The following ARPC5L variants were observed in gnomAD, a reference collection of about 807,000 sequenced individuals.
ARPC5L encodes the protein actin related protein 2/3 complex subunit 5 like.
A neutral mutation model predicts 16.9 loss-of-function variants in ARPC5L; 4 were observed. The observed-to-expected ratio is 0.24, with a 90% CI of 0.12 to 0.54. ARPC5L has a LOEUF of 0.54. ARPC5L is among the 20% of genes least tolerant of loss of function. The pLI is 0.95. For missense variants in ARPC5L, 151 were observed against 201.9 expected (o/e 0.75, Z 1.53); for synonymous variants, 78 against 82.6 (o/e 0.94, Z 0.30).
In ARPC5L at chr9:124,869,130, G is replaced by A. The variant is rs2131332804; in HGVS notation, c.-161G>A. On this transcript the variant is annotated 5_prime_UTR_variant, in exon 3 of 6. Coordinates refer to ENST00000353214, the MANE Select transcript of ARPC5L (RefSeq NM_030978.3). ...GCGCTTCCGGATCCGGCGGGTGCCG[G>A]AAGTGGGCGGGCGGCGGCGGCTGCG... 5.8e-6 allele frequency: 5 copies of A among 868,822 alleles called. No individual in the cohort carries two copies. The South Asian group carries it at 2.1e-4, about 36-fold the overall frequency. 53.8% of individuals were successfully genotyped at this position (868,822 alleles called of 1,614,324 possible).
At chr9:124,873,395 C>G (rs1397097444) in intron 3 of ARPC5L, 1 of 443,158 alleles carries the variant, frequency 2.3e-6, no homozygotes, top group Non-Finnish European at 4.2e-6. Flanking sequence ...GTGCTCAGCA[C>G]CAAGCAGGTG....
At chr9:124,876,528 G>A (rs940516127) in intron 5 of ARPC5L, among the ~76,000 whole-genome samples, 2 of 152,172 alleles carry the variant, frequency 1.3e-5, no homozygotes, top group African/African-American at 4.8e-5. Flanking sequence ...CACACCTGTG[G>A]TCCCAGCTAC....
intron 5 of ARPC5L, 74 bp downstream of exon 5, chr9:124,875,225 C>T: frequency 6.5e-7 from 1 of 1,528,266 alleles, no homozygotes; most frequent in East Asian, 2.3e-5. Context: ...GCCAGATTTT[C>T]CAGAACAAAC....
intron 4 of ARPC5L, 22 bp from the exon 5 acceptor site, chr9:124,874,953 A>C (rs1412470630): frequency 1.9e-6 from 3 of 1,612,988 alleles, no homozygotes; most frequent in Non-Finnish European, 2.5e-6. Context: ...TCTGGGACTC[A>C]CTTGCTCTTT....
Position 124,869,143 on chromosome 9 carries a change from G to A in ARPC5L, c.-148G>A. 1.0e-6 allele frequency: 1 copy of A among 963,846 alleles called. No individual in the cohort carries two copies. Among genetic ancestry groups the A allele is most frequent in the Non-Finnish European group, 1.4e-6 (1 of 735,972 alleles). The allele number at this position is 963,846 out of a possible 1,614,324, so 59.7% of individuals were successfully genotyped here. A position where few individuals can be genotyped will look rare whatever the true frequency, so the allele number is the denominator to read the frequency against. ...CGGCGGGTGCCGGAAGTGGGCGGGC[G>A]GCGGCGGCTGCGCGCGGAGGCGGTG... On this transcript the variant is annotated 5_prime_UTR_variant, in exon 3 of 6. Transcript: ENST00000353214.
At chr9:124,864,981 G>A (rs577074970) in intron 2 of ARPC5L, among the ~76,000 whole-genome samples, 5 of 152,004 alleles carry the variant, frequency 3.3e-5, no homozygotes, top group South Asian at 2.1e-4. Context: ...TACAGGTGCC[G>A]CCATGATGCC....
Position 124,873,766 on chromosome 9 carries a change from T to C in ARPC5L, c.222+2T>C. The stretch of plus-strand genomic sequence containing the variant: ...AACACCAAGAATCAAGCTGTGAAGG[T>C]AAAGGGGTGGCGCTGCGGCTCTGCT... On this transcript the variant is annotated splice_donor_variant, in intron 4 of 5. Coordinates refer to ENST00000353214, the MANE Select transcript of ARPC5L (RefSeq NM_030978.3). LOFTEE classifies it high-confidence loss of function. 1 of 1,613,780 alleles carries C rather than the reference T, an allele frequency of 6.2e-7. No homozygotes were observed. The highest frequency in any genetic ancestry group is 8.5e-7 in the Non-Finnish European group (1 of 1,179,932).
chr9:124,865,686 G>GGGA (rs1829259302), intron 2 of ARPC5L, among the ~76,000 whole-genome samples: 1 of 151,732 alleles, frequency 6.6e-6, no homozygotes, highest in South Asian at 2.1e-4. Context: ...ACAGCTATTC[G>GGGA]GGAGGCTGAG....
At chr9:124,872,029 A>G (rs1461867418) in intron 3 of ARPC5L, among the ~76,000 whole-genome samples, 1 of 152,180 alleles carries the variant, frequency 6.6e-6, no homozygotes, top group Non-Finnish European at 1.5e-5. Flanking sequence ...AGGTGACTTC[A>G]GGGAGGTCCT....
chr9:124,871,858 G>A (rs1027619191), intron 3 of ARPC5L, among the ~76,000 whole-genome samples: 2 of 152,288 alleles, frequency 1.3e-5, no homozygotes. Context: ...ACACAGCTAA[G>A]ATCCCACGTC....
chr9:124,876,059 C>T (rs890270970), intron 5 of ARPC5L, among the ~76,000 whole-genome samples: 10 of 152,174 alleles, frequency 6.6e-5, no homozygotes, highest in African/African-American at 2.4e-4. Context: ...TGCCAGTCAC[C>T]TCAGCGGGCG....
At chr9:124,865,282 C>G (rs1430992862) in intron 2 of ARPC5L, among the ~76,000 whole-genome samples, 3 of 140,320 alleles carry the variant, frequency 2.1e-5, no homozygotes, top group Non-Finnish European at 4.5e-5. Context: ...GGCCATTGCA[C>G]TCCAGCCTGG....
At chr9:124,870,420 G>A (rs775986004) in intron 3 of ARPC5L, among the ~76,000 whole-genome samples, 1 of 152,028 alleles carries the variant, frequency 6.6e-6, no homozygotes, top group African/African-American at 2.4e-5. Context: ...CCGCACGGGT[G>A]GGGGCAGGGT....
At position 124,865,427 on chromosome 9, in the gene ARPC5L, A is replaced by G. The variant is rs1829255611; in HGVS notation, c.-864+1320A>G. ...GCACATCTTTTTCGAACCTGAAGTCATTTGTGACTCTCTCTTACACGCCAC... is the reference window on the plus strand; with the variant it reads ...GCACATCTTTTTCGAACCTGAAGTCGTTTGTGACTCTCTCTTACACGCCAC... On this transcript the variant is annotated intron_variant, in intron 2 of 5. Coordinates refer to ENST00000353214, the MANE Select transcript of ARPC5L (RefSeq NM_030978.3). Among the ~76,000 whole-genome samples, 4 of 151,666 alleles carry G rather than the reference A, an allele frequency of 2.6e-5. No homozygotes were observed. The South Asian group carries it at 8.3e-4, about 32-fold the overall frequency.
intron 2 of ARPC5L, among the ~76,000 whole-genome samples, chr9:124,865,729 G>T (rs1829259693): frequency 1.3e-5 from 2 of 152,016 alleles, no homozygotes; most frequent in Admixed American, 6.6e-5. Flanking sequence ...GGGGGCAGAG[G>T]TTGCAGTGAG....
chr9:124,871,181 G>A (rs944760056), intron 3 of ARPC5L, among the ~76,000 whole-genome samples: 21 of 152,150 alleles, frequency 1.4e-4, no homozygotes, highest in African/African-American at 4.3e-4. Context: ...GGGCAGAGAG[G>A]GGCCCTGTCC....
chr9:124,864,446 C>G (rs1042545722), intron 2 of ARPC5L, among the ~76,000 whole-genome samples: 4 of 152,218 alleles, frequency 2.6e-5, no homozygotes, highest in Non-Finnish European at 4.4e-5. Flanking sequence ...ACTGCAACCT[C>G]TGCCTCCCAG....
chr9:124,873,693 G>T lies in ARPC5L; in HGVS notation c.151G>T (p.Gly51Trp). ...TATCCTTAACTGGTGGTGATGCACA[G>T]GGGACATGCTTCGGGCATTCCATGC... ...PSEVDGLLRQGDMLRAFHAAL... is the reference protein window; with the variant it reads ...PSEVDGLLRQWDMLRAFHAAL... Residue 51 changes from glycine to tryptophan, a missense_variant and splice_region_variant, in exon 4 of 6, where the codon GGG (glycine) becomes TGG (tryptophan). Physicochemically the swap from Gly to Trp is radical, Grantham distance 184. Transcript: ENST00000353214. The T allele has an allele frequency of 6.2e-7, 1 of 1,614,224 alleles. No homozygotes were observed. The highest frequency in any genetic ancestry group is 8.5e-7 in the Non-Finnish European group (1 of 1,180,028).
chr9:124,864,139 T>C (rs910452887), intron 2 of ARPC5L, 32 bp downstream of exon 2: 3 of 151,042 alleles, frequency 2.0e-5, no homozygotes, highest in African/African-American at 7.3e-5. Flanking sequence ...TGGAGGGATA[T>C]GGGGAAAAAA....
Sources: allele counts gnomAD v4.1 joint callset (sites outside exome capture counted in the v4.1 genomes callset), GRCh38; gene constraint gnomAD v4.1.1; transcripts MANE v1.5; gene names NCBI Gene and HGNC (gene_info 2026-07-23, HGNC 2026-07-21).